RANBP2: variants seen among roughly 807,000 people sequenced by gnomAD.
The protein encoded by RANBP2 is RAN binding protein 2.
In RANBP2, 57 loss-of-function variants were observed where a neutral mutation model predicts 303.6. The ratio of observed to expected loss-of-function variants is 0.19; its 90% CI spans 0.15 to 0.23. The LOEUF is 0.23. Among genes scored for constraint, RANBP2 ranks in the 10% least tolerant of loss-of-function variants. The pLI is 1.00. For synonymous variants in RANBP2, 1,167 were observed against 1,301.5 expected (o/e 0.90, Z 2.23); for missense variants, 3,138 against 3,780.8 (o/e 0.83, Z 4.46).
chr2:109,378,626 T>C, the RANBP2 span, among the ~76,000 whole-genome samples: 1 of 152,240 alleles, frequency 6.6e-6, no homozygotes, highest in Admixed American at 6.5e-5. Flanking sequence ...TTTGTTAAAT[T>C]GCTTAGACTC....
At chr2:108,853,203 G>A in the RANBP2 span, among the ~76,000 whole-genome samples, 9 of 152,142 alleles carry the variant, frequency 5.9e-5, no homozygotes, top group Non-Finnish European at 1.2e-4. Flanking sequence ...TGCTGGCATT[G>A]TTTTAGTCAT....
chr2:109,293,354 G>C, the RANBP2 span, among the ~76,000 whole-genome samples: 2 of 152,212 alleles, frequency 1.3e-5, no homozygotes, highest in African/African-American at 4.8e-5. Context: ...GTGTCATCAG[G>C]GGCCAGAAAA....
chr2:109,377,439 G>T, the RANBP2 span, among the ~76,000 whole-genome samples: 2 of 152,096 alleles, frequency 1.3e-5, no homozygotes, highest in Non-Finnish European at 2.9e-5. Flanking sequence ...CCTAGGATCC[G>T]GGGAAGAAGC....
the RANBP2 span, among the ~76,000 whole-genome samples, chr2:108,860,774 G>A: frequency 6.6e-6 from 1 of 151,608 alleles, no homozygotes; most frequent in African/African-American, 2.4e-5. Flanking sequence ...TACTTTTGTT[G>A]TGTCTTTGCC....
chr2:108,893,543 TGGG>T, the RANBP2 span, among the ~76,000 whole-genome samples: 3 of 151,524 alleles, frequency 2.0e-5, no homozygotes, highest in Non-Finnish European at 1.5e-5. Flanking sequence ...CTTGATCAAA[TGGG>T]GGAAATGTGG....
the RANBP2 span, among the ~76,000 whole-genome samples, chr2:109,123,841 G>T: frequency 2.0e-5 from 3 of 152,156 alleles, no homozygotes; most frequent in Middle Eastern, 3.2e-3. Flanking sequence ...GAATGCCAGT[G>T]CTTCAAGGGA....
At chr2:109,596,336 C>A in the RANBP2 span, among the ~76,000 whole-genome samples, 2 of 152,086 alleles carry the variant, frequency 1.3e-5, no homozygotes. Context: ...AGGCTTTAGG[C>A]CAGGCATGGT....
chr2:109,218,226 C>T, the RANBP2 span, among the ~76,000 whole-genome samples: 1 of 152,042 alleles, frequency 6.6e-6, no homozygotes, highest in East Asian at 1.9e-4. Context: ...CATCAGGGTC[C>T]TTCATGTGGC....
At chr2:109,374,938 G>A in the RANBP2 span, among the ~76,000 whole-genome samples, 26 of 152,334 alleles carry the variant, frequency 1.7e-4, no homozygotes, top group African/African-American at 4.6e-4. Flanking sequence ...CTCTCCCTCC[G>A]TGGTTGTGTC....
chr2:109,363,347 C>T, the RANBP2 span, among the ~76,000 whole-genome samples: 127 of 152,208 alleles, frequency 8.3e-4, 2 homozygotes, highest in South Asian at 0.024. Flanking sequence ...CTTGTAATAA[C>T]AAAATAATAC....
chr2:109,049,255 C>T, the RANBP2 span, among the ~76,000 whole-genome samples: 3 of 152,282 alleles, frequency 2.0e-5, no homozygotes, highest in East Asian at 5.8e-4. Flanking sequence ...GAGGGCAGTA[C>T]GTTGAATTAA....
At chr2:109,135,476 A>G in the RANBP2 span, among the ~76,000 whole-genome samples, 1 of 152,176 alleles carries the variant, frequency 6.6e-6, no homozygotes, top group Non-Finnish European at 1.5e-5. Flanking sequence ...TAAATAGGAT[A>G]ACGTATGTGC....
chr2:109,680,485 T>A, the RANBP2 span, among the ~76,000 whole-genome samples: 4 of 152,182 alleles, frequency 2.6e-5, no homozygotes, highest in African/African-American at 9.6e-5. Flanking sequence ...TCAGGAAAGG[T>A]TATGTAACAT....
At chr2:109,375,582 G>A in the RANBP2 span, among the ~76,000 whole-genome samples, 9 of 152,258 alleles carry the variant, frequency 5.9e-5, no homozygotes, top group Admixed American at 5.9e-4. Context: ...GAAGGCGCTT[G>A]TTCTAAGGGG....
At chr2:109,104,474 T>TG in the RANBP2 span, among the ~76,000 whole-genome samples, 1 of 149,768 alleles carries the variant, frequency 6.7e-6, no homozygotes, top group Non-Finnish European at 1.5e-5. Context: ...GTTTTTTTTT[T>TG]GGTTGTTTTA....
the RANBP2 span, among the ~76,000 whole-genome samples, chr2:108,926,889 G>A: frequency 4.6e-5 from 7 of 152,186 alleles, no homozygotes; most frequent in African/African-American, 1.2e-4. Context: ...TAGTCACACC[G>A]GCCTGCCAAG....
At chr2:108,902,064 C>T in the RANBP2 span, among the ~76,000 whole-genome samples, 1 of 152,116 alleles carries the variant, frequency 6.6e-6, no homozygotes, top group Non-Finnish European at 1.5e-5. Flanking sequence ...ATGGTGAAAC[C>T]CCATATCTAC....
At chr2:108,752,533 G>A (rs1251203069) in intron 12 of RANBP2, among the ~76,000 whole-genome samples, 1 of 150,588 alleles carries the variant, frequency 6.6e-6, no homozygotes, top group Non-Finnish European at 1.5e-5. Context: ...AGCACGTTAG[G>A]AGGCCGAGGC....
the RANBP2 span, among the ~76,000 whole-genome samples, chr2:108,890,028 C>T: frequency 3.9e-5 from 6 of 152,064 alleles, no homozygotes; most frequent in Admixed American, 6.5e-5. Context: ...TGGGAGTCGT[C>T]TAGTGGTAAT....
Sources: gnomAD v4.1 joint callset for allele counts (sites outside exome capture counted in the v4.1 genomes callset) on GRCh38, gnomAD v4.1.1 for gene constraint, MANE v1.5 for transcripts, NCBI Gene and HGNC (gene_info 2026-07-23, HGNC 2026-07-21) for gene names.